The following SLC6A20 variants were observed in gnomAD, a reference collection of about 807,000 sequenced individuals.
SLC6A20 encodes the protein solute carrier family 6 member 20.
Under a neutral mutation model 64.3 loss-of-function variants are expected in SLC6A20, and 73 were observed. The observed-to-expected ratio is 1.14, with a 90% CI of 0.94 to 1.38. The LOEUF (loss-of-function observed/expected upper bound fraction) is 1.38. Ranked by LOEUF, SLC6A20 falls within the 40% of genes most tolerant of loss-of-function variation. The pLI is 0.00. For synonymous variants in SLC6A20, 347 were observed against 329.6 expected (o/e 1.05, Z -0.57); for missense variants, 725 against 772.8 (o/e 0.94, Z 0.73).
chr3:45,758,495 C>T lies in SLC6A20; in HGVS notation c.*483G>A, dbSNP rs1352858039. Reference sequence around the variant, plus strand: ...AAGGGGAACACAGAAATTGCATATTCACTACAACTCAAAAAAGAAGAGAAT... The same window carrying T: ...AAGGGGAACACAGAAATTGCATATTTACTACAACTCAAAAAAGAAGAGAAT... On this transcript the variant is annotated 3_prime_UTR_variant, in exon 11 of 11. Transcript: ENST00000358525. 1.7e-6 allele frequency: 2 copies of T among 1,209,202 alleles called. No individual in the cohort carries two copies. Among genetic ancestry groups the T allele is most frequent in the Non-Finnish European group, 2.1e-6 (2 of 951,688 alleles). The allele number at this position is 1,209,202 out of a possible 1,614,324, so 74.9% of individuals were successfully genotyped here.
chr3:45,781,031 A>G (rs1199955085), intron 2 of SLC6A20, among the ~76,000 whole-genome samples: 1 of 152,112 alleles, frequency 6.6e-6, no homozygotes, highest in African/African-American at 2.4e-5. Flanking sequence ...TTAAAAATTA[A>G]TAGCCTAGCG....
chr3:45,788,030 C>T (rs945671809), intron 1 of SLC6A20, among the ~76,000 whole-genome samples: 5 of 152,128 alleles, frequency 3.3e-5, no homozygotes, highest in African/African-American at 7.2e-5. Context: ...ACTGCAGCCT[C>T]GACCTCCCAG....
intron 2 of SLC6A20, 89 bp downstream of exon 2, chr3:45,781,994 G>T (rs1700093070): frequency 6.9e-7 from 1 of 1,441,022 alleles, no homozygotes; most frequent in Non-Finnish European, 9.2e-7. Context: ...CTCGCCCCTT[G>T]ATCCAGCAGC....
intron 5 of SLC6A20, chr3:45,771,904 C>A: frequency 5.4e-6 from 1 of 186,050 alleles, no homozygotes; most frequent in Non-Finnish European, 1.1e-5. Context: ...GGGGGTGTGG[C>A]CTGGCAGGGG....
intron 7 of SLC6A20, among the ~76,000 whole-genome samples, chr3:45,767,510 A>G (rs917283932): frequency 1.3e-5 from 2 of 152,194 alleles, no homozygotes; most frequent in Non-Finnish European, 2.9e-5. Context: ...ATAAAATAAA[A>G]AAGGATAAAA....
At chr3:45,767,556 T>C (rs1699797132) in intron 7 of SLC6A20, among the ~76,000 whole-genome samples, 1 of 152,064 alleles carries the variant, frequency 6.6e-6, no homozygotes, top group Non-Finnish European at 1.5e-5. Context: ...AAGAGACCTG[T>C]AGGACAGGAT....
At chr3:45,777,165 T>TG (rs768274788) in intron 3 of SLC6A20, among the ~76,000 whole-genome samples, 12 of 152,172 alleles carry the variant, frequency 7.9e-5, no homozygotes, top group Non-Finnish European at 1.8e-4. Flanking sequence ...ACCACCCCAC[T>TG]GGGCTCAATC....
intron 10 of SLC6A20, 126 bp downstream of exon 10, chr3:45,759,731 T>C (rs1338211917): frequency 2.4e-6 from 3 of 1,243,030 alleles, no homozygotes; most frequent in East Asian, 2.4e-5. Context: ...CTCAGTGATA[T>C]TTCCATGTCG....
In SLC6A20 at chr3:45,758,284, C is replaced by A; in HGVS notation, c.*694G>T. The stretch of plus-strand genomic sequence containing the variant: ...TTTTCCAATGCACCAAGACACACAC[C>A]ACGGAGGGATGTCTGCACAGACTTC... On this transcript the variant is annotated 3_prime_UTR_variant, in exon 11 of 11. Transcript: ENST00000358525. 2.4e-6 allele frequency: 1 copy of A among 423,312 alleles called. No individual in the cohort carries two copies. 26.2% of individuals were successfully genotyped at this position (423,312 alleles called of 1,614,324 possible).
At chr3:45,766,441 G>A (rs1315248107) in intron 7 of SLC6A20, among the ~76,000 whole-genome samples, 9 of 152,196 alleles carry the variant, frequency 5.9e-5, no homozygotes, top group Admixed American at 5.9e-4. Flanking sequence ...AAACCCACAA[G>A]GAGAGAAGTC....
chr3:45,760,133 G>T (rs1056531551), intron 9 of SLC6A20, 111 bp from the exon 10 acceptor site: 1 of 1,280,330 alleles, frequency 7.8e-7, no homozygotes, highest in Admixed American at 2.4e-5. Context: ...GGTGGTAAAG[G>T]ATGTCTGAGC....
intron 1 of SLC6A20, among the ~76,000 whole-genome samples, chr3:45,794,883 T>G (rs370930304): frequency 9.9e-5 from 15 of 152,230 alleles, no homozygotes; most frequent in Admixed American, 7.9e-4. Flanking sequence ...ACATATGCCC[T>G]TCACATCATT....
intron 2 of SLC6A20, among the ~76,000 whole-genome samples, chr3:45,781,146 G>C (rs1053313932): frequency 6.6e-6 from 1 of 152,096 alleles, no homozygotes; most frequent in South Asian, 2.1e-4. Context: ...GGTTGAATCC[G>C]GGAGTGGAGG....
rs1699759479 is a variant in SLC6A20, at chr3:45,765,482, C to T, written c.1303+55G>A. The stretch of plus-strand genomic sequence containing the variant: ...CCTGAGGGAGCTCTCCCCTGTTCAC[C>T]CCCACGCCTTGGCCCTCCTGACCCC... On this transcript the variant is annotated intron_variant, in intron 8 of 10. Transcript: ENST00000358525. This position sits in a 1 kb window ranked among gnomAD's most constrained non-coding sequence, Gnocchi z 4.2. 6.4e-7 allele frequency: 1 copy of T among 1,560,376 alleles called. No homozygotes were observed. Among genetic ancestry groups the T allele is most frequent in the South Asian group, 1.2e-5 (1 of 85,626 alleles).
intron 1 of SLC6A20, among the ~76,000 whole-genome samples, chr3:45,782,722 T>A (rs1216158388): frequency 2.0e-5 from 3 of 152,148 alleles, no homozygotes; most frequent in Non-Finnish European, 4.4e-5. Flanking sequence ...CTTACATCCA[T>A]CCTTTCATCT....
chr3:45,775,127 T>G (rs1699941942), intron 4 of SLC6A20, among the ~76,000 whole-genome samples: 1 of 151,944 alleles, frequency 6.6e-6, no homozygotes, highest in African/African-American at 2.4e-5. Flanking sequence ...TCAGCCCCAG[T>G]GAAAGTGTGA....
chr3:45,778,917 A>T (rs763960348), intron 3 of SLC6A20, among the ~76,000 whole-genome samples: 1 of 152,188 alleles, frequency 6.6e-6, no homozygotes, highest in Non-Finnish European at 1.5e-5. Flanking sequence ...CTTGCCAGAG[A>T]TACGTGCAAT....
chr3:45,795,331 ATT>A (rs11287280), intron 1 of SLC6A20, among the ~76,000 whole-genome samples: 10 of 151,586 alleles, frequency 6.6e-5, no homozygotes, highest in Admixed American at 3.3e-4. Flanking sequence ...AGAAAATACA[ATT>A]TTTTTTTTGA....
At chr3:45,794,235 G>A (rs1186179192) in intron 1 of SLC6A20, among the ~76,000 whole-genome samples, 3 of 152,210 alleles carry the variant, frequency 2.0e-5, no homozygotes, top group Non-Finnish European at 2.9e-5. Context: ...AGAAGGAGGT[G>A]CTCATGGAAG....
Sources: gnomAD v4.1 joint callset for allele counts (sites outside exome capture counted in the v4.1 genomes callset) on GRCh38, gnomAD v4.1.1 for gene constraint, Gnocchi (gnomAD v3.1) non-coding constraint, MANE v1.5 for transcripts, NCBI Gene and HGNC (gene_info 2026-07-23, HGNC 2026-07-21) for gene names.